DAP3: variants seen among roughly 807,000 people sequenced by gnomAD.
DAP3 encodes death associated protein 3, also known as small ribosomal subunit protein mS29.
In DAP3, 28 loss-of-function variants were observed where a neutral mutation model predicts 51.9. That is an observed-to-expected ratio of 0.54 (90% confidence interval 0.40 to 0.74). The LOEUF (loss-of-function observed/expected upper bound fraction) is 0.74, where lower values mean the gene tolerates loss of function less well. Among genes scored for constraint, DAP3 ranks in the 30% least tolerant of loss-of-function variants. The probability of loss-of-function intolerance (pLI) is 0.00; values close to 1 mark genes in which losing one functional copy is unlikely to be tolerated. For synonymous variants in DAP3, 170 were observed against 170.3 expected (o/e 1.00, Z 0.01); for missense variants, 458 against 483.5 (o/e 0.95, Z 0.49).
At chr1:155,724,233 G>T (rs1658316804) in intron 4 of DAP3, among the ~76,000 whole-genome samples, 1 of 152,130 alleles carries the variant, frequency 6.6e-6, no homozygotes, top group Non-Finnish European at 1.5e-5. Flanking sequence ...GTATGCTGGA[G>T]GTATGAGGTA....
intron 9 of DAP3, among the ~76,000 whole-genome samples, chr1:155,730,261 A>T (rs867477482): frequency 1.5e-5 from 2 of 130,392 alleles, no homozygotes; most frequent in Middle Eastern, 3.7e-3. Flanking sequence ...ATATATGCAC[A>T]CATACATATT....
At chr1:155,720,051 G>A (rs1285691254) in intron 3 of DAP3, among the ~76,000 whole-genome samples, 1 of 152,024 alleles carries the variant, frequency 6.6e-6, no homozygotes, top group Non-Finnish European at 1.5e-5. Context: ...TGGTCCAGGT[G>A]CAGTGGCTCA....
At chr1:155,708,681 C>A (rs1656306726) in intron 1 of DAP3, among the ~76,000 whole-genome samples, 1 of 149,300 alleles carries the variant, frequency 6.7e-6, no homozygotes, top group African/African-American at 2.5e-5. Context: ...ACTACAGGTG[C>A]ATATCACCAC....
chr1:155,719,559 C>CT (rs1199687315), intron 3 of DAP3, among the ~76,000 whole-genome samples: 3 of 145,508 alleles, frequency 2.1e-5, no homozygotes, highest in African/African-American at 7.7e-5. Flanking sequence ...TTTTCTTTTT[C>CT]TTTTTTTTAG....
intron 4 of DAP3, among the ~76,000 whole-genome samples, chr1:155,724,071 G>A (rs888837047): frequency 1.3e-5 from 2 of 151,422 alleles, no homozygotes; most frequent in African/African-American, 2.4e-5. Context: ...CACTATTTTA[G>A]TTATACTTAC....
chr1:155,707,069 C>A (rs1304258396), intron 1 of DAP3, among the ~76,000 whole-genome samples: 1 of 144,732 alleles, frequency 6.9e-6, no homozygotes, highest in Non-Finnish European at 1.5e-5. Context: ...CCAGCCTGGG[C>A]AACAAGAGCG....
In DAP3 at chr1:155,699,757, G is replaced by T. The variant is rs1220588933; in HGVS notation, c.-7-10016G>T. On this transcript the variant is annotated intron_variant, in intron 1 of 12. Transcript: ENST00000368336. ...GCCTCCCAAGTAGCTAGGACCACAG[G>T]CTCACACCACCACACCTGGCTAATT... is the stretch of plus-strand genomic sequence containing the variant. Among the ~76,000 whole-genome samples, 4 of 151,838 alleles carry T rather than the reference G, an allele frequency of 2.6e-5. No homozygotes were observed. The East Asian group carries it at 7.7e-4, about 29-fold the overall frequency.
rs1393779628 is a variant in DAP3, at chr1:155,729,207, G to T, written c.685-1G>T. The T allele has an allele frequency of 1.2e-6, 2 of 1,614,164 alleles. No individual in the cohort carries two copies. Among genetic ancestry groups the T allele is most frequent in the Admixed American group, 3.3e-5 (2 of 60,010 alleles). On this transcript the variant is annotated splice_acceptor_variant, in intron 8 of 12. Coordinates refer to ENST00000368336, the MANE Select transcript of DAP3 (RefSeq NM_004632.4). LOFTEE classifies it high-confidence loss of function. ...CTACAATCCACTGTCTCTCCCAATAGGGCATAACACGGGTGAGGAACGCCA... is the reference window on the plus strand; with the variant it reads ...CTACAATCCACTGTCTCTCCCAATATGGCATAACACGGGTGAGGAACGCCA...
intron 3 of DAP3, among the ~76,000 whole-genome samples, chr1:155,717,923 C>G (rs999975913): frequency 2.6e-5 from 4 of 152,058 alleles, no homozygotes; most frequent in African/African-American, 9.7e-5. Context: ...GTTGCTGCCT[C>G]TCATAAATGA....
rs560216710 is a variant in DAP3, at chr1:155,717,028, A to G, written c.68A>G (p.His23Arg). The G allele has an allele frequency of 4.3e-6, 7 of 1,613,904 alleles. No homozygotes were observed. Among genetic ancestry groups the G allele is most frequent in the East Asian group, 2.2e-5 (1 of 44,880 alleles). ...TAGTTGGACCCTGGGCGTTTTTTAC[A>G]CATGGGGACCCAGGCTCGCCAAAGC... ...IHKLDPGRFLHMGTQARQSIA... is the reference protein window; with the variant it reads ...IHKLDPGRFLRMGTQARQSIA... The change falls in exon 3 of 13, where the codon CAC becomes CGC. Residue 23 changes from histidine (H) to arginine (R), a missense_variant. Transcript: ENST00000368336.
intron 7 of DAP3, among the ~76,000 whole-genome samples, chr1:155,728,808 T>C (rs909756537): frequency 6.7e-6 from 1 of 149,476 alleles, no homozygotes; most frequent in Non-Finnish European, 1.5e-5. Flanking sequence ...TGCAGCGAGC[T>C]GAGATCATGC....
In DAP3 at chr1:155,731,427, T is replaced by G. The variant is rs776932559; in HGVS notation, c.903+12T>G. Reference sequence around the variant, plus strand: ...TGAAAAATGATTGGGTAAGTGCATATGATACCTCACACATTTCAGAAAGAA... The same window carrying G: ...TGAAAAATGATTGGGTAAGTGCATAGGATACCTCACACATTTCAGAAAGAA... On this transcript the variant is annotated intron_variant, in intron 10 of 12. Transcript: ENST00000368336. The G allele has an allele frequency of 2.6e-5, 42 of 1,612,678 alleles. No homozygotes were observed. The East Asian group carries it at 7.1e-4, about 27-fold the overall frequency.
Position 155,738,472 on chromosome 1 carries a change from T to C in DAP3, c.*230T>C, listed in dbSNP as rs1571587402. On this transcript the variant is annotated 3_prime_UTR_variant, in exon 13 of 13. Transcript: ENST00000368336. ...CTTTATATCAGTTTATTGGATGTGG[T>C]TTTTCACATTTAAGATAATTATGGC... 1 of 436,750 alleles carries C rather than the reference T, an allele frequency of 2.3e-6. No homozygotes were observed. Among genetic ancestry groups the C allele is most frequent in the East Asian group, 3.5e-5 (1 of 28,704 alleles). 27.1% of individuals were successfully genotyped at this position (436,750 alleles called of 1,614,324 possible).
rs765439615 is a variant in DAP3 at position 155,731,305 on chromosome 1, A to C, written c.844-51A>C. ...TTGTTGTCAATTGTTTCGGGAGAAC[A>C]TCTAGGAAAGGCACGTGATGATCTC... On this transcript the variant is annotated intron_variant, in intron 9 of 12. Coordinates refer to ENST00000368336, the MANE Select transcript of DAP3 (RefSeq NM_004632.4). 1.9e-6 allele frequency: 3 copies of C among 1,563,196 alleles called. No individual in the cohort carries two copies. In the African/African-American group the frequency reaches 4.1e-5, roughly 21 times the overall value.
chr1:155,728,309 G>A (rs1482928669), intron 7 of DAP3, among the ~76,000 whole-genome samples: 2 of 152,148 alleles, frequency 1.3e-5, no homozygotes, highest in Non-Finnish European at 2.9e-5. Flanking sequence ...CACCTGTAAT[G>A]TCAGCACTTT....
intron 9 of DAP3, 74 bp from the exon 10 acceptor site, chr1:155,731,282 G>T: frequency 2.4e-5 from 33 of 1,348,164 alleles, no homozygotes; most frequent in South Asian, 4.9e-5. Context: ...AAAAAAAATT[G>T]TTGTCAATTG....
rs1166394143 is a variant in DAP3, at chr1:155,727,482, A to AG, written c.473-126_473-125insG. The AG allele has an allele frequency of 5.6e-4, 594 of 1,069,204 alleles. 1 individual carries two copies. Among genetic ancestry groups the AG allele is most frequent in the Middle Eastern group, 7.2e-4 (2 of 2,796 alleles). The allele number at this position is 1,069,204 out of a possible 1,614,324, so 66.2% of individuals were successfully genotyped here. A position where few individuals can be genotyped will look rare whatever the true frequency, so the allele number is the denominator to read the frequency against. ...AGACCCTGTCTCAAAAAAAAAAAAA[A>AG]AAAAGAAAAGAAATATATATATGAG... is the stretch of plus-strand genomic sequence containing the variant. On this transcript the variant is annotated intron_variant, in intron 6 of 12. Transcript: ENST00000368336.
chr1:155,725,220 A>T (rs1201827402), intron 4 of DAP3, among the ~76,000 whole-genome samples, 162 bp from the exon 5 acceptor site: 4 of 152,186 alleles, frequency 2.6e-5, no homozygotes, highest in Non-Finnish European at 1.5e-5. Context: ...AGTTATATGG[A>T]TAGATTTTCA....
intron 1 of DAP3, among the ~76,000 whole-genome samples, chr1:155,707,463 CAT>C (rs1656147805): frequency 6.6e-6 from 1 of 151,706 alleles, no homozygotes; most frequent in South Asian, 2.1e-4. Flanking sequence ...ATTACATAGA[CAT>C]TTAATTCAGT....
Sources: allele counts gnomAD v4.1 joint callset (sites outside exome capture counted in the v4.1 genomes callset), GRCh38; gene constraint gnomAD v4.1.1; transcripts MANE v1.5; gene names NCBI Gene and HGNC (gene_info 2026-07-23, HGNC 2026-07-21).